Variants in AFF4 observed in about 807,000 individuals in gnomAD.
AFF4 encodes ALF transcription elongation factor 4, also known as AF4/FMR2 family member 4.
Under a neutral mutation model 124.8 loss-of-function variants are expected in AFF4, and 13 were observed. The ratio of observed to expected loss-of-function variants is 0.10; its 90% CI spans 0.07 to 0.17. The LOEUF is 0.17. Ranked by LOEUF, AFF4 falls within the 10% of genes least tolerant of loss-of-function variation. The pLI is 1.00. For missense variants in AFF4, 1,092 were observed against 1,403.8 expected, an observed-to-expected ratio of 0.78 and a Z score of 3.55; for synonymous variants, 477 against 496.1, an observed-to-expected ratio of 0.96 and a Z score of 0.51.
intron 4 of AFF4, 163 bp from the exon 5 acceptor site, chr5:132,927,370 T>C (rs1053144144): frequency 5.3e-6 from 3 of 568,688 alleles, no homozygotes; most frequent in Non-Finnish European, 6.1e-6. Flanking sequence ...CTAGGCACTA[T>C]GGTGTAGGTA....
intron 1 of AFF4, chr5:132,943,387 G>C (rs1055877254): frequency 5.2e-6 from 1 of 191,770 alleles, no homozygotes; most frequent in Non-Finnish European, 1.2e-5. Context: ...AACATGCCTT[G>C]GTTCAAGGGA....
intron 11 of AFF4, 52 bp from the exon 12 acceptor site, chr5:132,893,170 T>A (rs553473558): frequency 2.1e-6 from 3 of 1,452,124 alleles, no homozygotes; most frequent in Admixed American, 1.7e-5. Context: ...TAACTTCAGC[T>A]TCCAGCACTA....
Position 132,934,498 on chromosome 5 carries a change from T to C in AFF4, c.567A>G (p.Ser189=), listed in dbSNP as rs755232296. The C allele has an allele frequency of 2.1e-5, 34 of 1,614,170 alleles. No homozygotes were observed. In the East Asian group the frequency reaches 5.1e-4, roughly 24 times the overall value. ...GAGACCTGGAATGACTAGAGTTTAA[T>C]GAAGAAACAGCCTGGGGTTTTCCAG... The part of the protein sequence containing the change: ...SSPGKPQAVS[S]LNSSHSRSHG... Residue 189 remains serine, a synonymous_variant, in exon 3 of 21, where the codon TCA becomes TCG. Transcript: ENST00000265343.
At chr5:132,908,781 T>A (rs1030161792) in intron 5 of AFF4, among the ~76,000 whole-genome samples, 9 of 146,634 alleles carry the variant, frequency 6.1e-5, no homozygotes, top group African/African-American at 2.2e-4. Context: ...TATATATTTT[T>A]TTTTTTTGAG....
intron 1 of AFF4, among the ~76,000 whole-genome samples, chr5:132,949,754 C>G (rs769497702): frequency 7.4e-5 from 11 of 148,784 alleles, no homozygotes; most frequent in Non-Finnish European, 1.3e-4. Flanking sequence ...CCCGGCTACT[C>G]GGGAGGCTGA....
At chr5:132,900,145 G>A (rs573241464) in intron 7 of AFF4, among the ~76,000 whole-genome samples, 2 of 152,348 alleles carry the variant, frequency 1.3e-5, no homozygotes, top group East Asian at 1.9e-4. Flanking sequence ...GGTTTCCTAA[G>A]CCAAAGTTCT....
At position 132,913,144 on chromosome 5, in the gene AFF4, A is replaced by T. The variant is rs139114174; in HGVS notation, c.1051-8740T>A. On this transcript the variant is annotated intron_variant, in intron 5 of 20. Coordinates refer to ENST00000265343, the MANE Select transcript of AFF4 (RefSeq NM_014423.4). ...AAATAAAAGAAAGCTGGAGCTGATCATATTAATATAAAAGTAAATTTTACA... is the reference window on the plus strand; with the variant it reads ...AAATAAAAGAAAGCTGGAGCTGATCTTATTAATATAAAAGTAAATTTTACA... Among the ~76,000 whole-genome samples, 218 of 152,318 alleles carry T rather than the reference A, an allele frequency of 1.4e-3. 5 individuals carry two copies. In the East Asian group the frequency reaches 0.033, roughly 23 times the overall value.
chr5:132,928,963 A>AT (rs1376310055), intron 4 of AFF4, among the ~76,000 whole-genome samples: 1 of 152,200 alleles, frequency 6.6e-6, no homozygotes, highest in Non-Finnish European at 1.5e-5. Context: ...CAGCTCTAGA[A>AT]TATCAGCTCA....
At chr5:132,910,332 T>C (rs995896370) in intron 5 of AFF4, among the ~76,000 whole-genome samples, 1 of 152,210 alleles carries the variant, frequency 6.6e-6, no homozygotes, top group Non-Finnish European at 1.5e-5. Context: ...GCCTGTGAAC[T>C]GCTCTTTCAG....
intron 5 of AFF4, among the ~76,000 whole-genome samples, chr5:132,918,041 A>G (rs1387736587): frequency 6.6e-6 from 1 of 151,648 alleles, no homozygotes; most frequent in Non-Finnish European, 1.5e-5. Flanking sequence ...TCTATAAATT[A>G]GCAAGGAAAA....
chr5:132,956,835 C>T (rs1761970806), intron 1 of AFF4, among the ~76,000 whole-genome samples: 1 of 151,502 alleles, frequency 6.6e-6, no homozygotes, highest in Non-Finnish European at 1.5e-5. Flanking sequence ...GCCTGACCAA[C>T]ATGGTGAAAC....
chr5:132,953,810 G>C (rs754955204), intron 1 of AFF4, among the ~76,000 whole-genome samples: 1 of 151,874 alleles, frequency 6.6e-6, no homozygotes, highest in African/African-American at 2.4e-5. Flanking sequence ...TTTATCTTCC[G>C]CTTGAATAAA....
rs1324455595 is a variant in AFF4, at chr5:132,896,472, G to C, written c.2158C>G (p.Leu720Val). The C allele has an allele frequency of 6.2e-7, 1 of 1,614,158 alleles. No homozygotes were observed. Among genetic ancestry groups the C allele is most frequent in the South Asian group, 1.1e-5 (1 of 91,082 alleles). Residue 720 changes from leucine to valine, a missense_variant, in exon 11 of 21, where the codon CTG becomes GTG. Coordinates refer to ENST00000265343, the MANE Select transcript of AFF4 (RefSeq NM_014423.4). The stretch of plus-strand genomic sequence containing the variant: ...CCTGGTATTCTAGTCAAAAGATTCA[G>C]GTCAATCTTCACAATAAGTGGGTAC... ...DRYPLIVKIDLNLLTRIPGKP... is the reference protein window; with the variant it reads ...DRYPLIVKIDVNLLTRIPGKP...
chr5:132,917,721 T>C (rs1760946957), intron 5 of AFF4, among the ~76,000 whole-genome samples: 1 of 139,648 alleles, frequency 7.2e-6, no homozygotes, highest in Admixed American at 7.2e-5. Context: ...TTTTTTTTTT[T>C]TTTTTTTTTG....
Position 132,879,899 on chromosome 5 carries a change from G to A in AFF4, c.*1160C>T, listed in dbSNP as rs544673513. Reference sequence around the variant, plus strand: ...GAAGAGGGCCTTCATAATGCAAAAGGAGTAAACAGAAGATAGGTTTAAAAA... The same window carrying A: ...GAAGAGGGCCTTCATAATGCAAAAGAAGTAAACAGAAGATAGGTTTAAAAA... On this transcript the variant is annotated 3_prime_UTR_variant, in exon 21 of 21. Coordinates refer to ENST00000265343, the MANE Select transcript of AFF4 (RefSeq NM_014423.4). 11 of 270,126 alleles carry A rather than the reference G, an allele frequency of 4.1e-5. No individual in the cohort carries two copies. The highest frequency in any genetic ancestry group is 7.7e-5 in the Non-Finnish European group (11 of 143,790). The allele number at this position is 270,126 out of a possible 1,614,324, so 16.7% of individuals were successfully genotyped here. A position where few individuals can be genotyped will look rare whatever the true frequency, so the allele number is the denominator to read the frequency against.
intron 7 of AFF4, 109 bp from the exon 8 acceptor site, chr5:132,899,750 A>G (rs936806449): frequency 3.2e-6 from 3 of 924,688 alleles, no homozygotes; most frequent in African/African-American, 3.3e-5. Context: ...GTAGCCAAAA[A>G]TTTAACCAAA....
At position 132,905,319 on chromosome 5, in the gene AFF4, A is replaced by G. The variant is rs990485303; in HGVS notation, c.1051-915T>C. ...TTTTCATGACCAGAACAGCTGTTCCATATGTGCAAACTATGCATTTCTCAA... is the reference window on the plus strand; with the variant it reads ...TTTTCATGACCAGAACAGCTGTTCCGTATGTGCAAACTATGCATTTCTCAA... On this transcript the variant is annotated intron_variant, in intron 5 of 20. Coordinates refer to ENST00000265343, the MANE Select transcript of AFF4 (RefSeq NM_014423.4). 2.0e-5 allele frequency among the ~76,000 whole-genome samples: 3 copies of G among 152,230 alleles called. 1 individual carries two copies. Among genetic ancestry groups the G allele is most frequent in the African/African-American group, 7.2e-5 (3 of 41,458 alleles).
intron 19 of AFF4, among the ~76,000 whole-genome samples, chr5:132,884,001 TTC>T (rs1760052122): frequency 6.6e-6 from 1 of 152,206 alleles, no homozygotes; most frequent in Non-Finnish European, 1.5e-5. Context: ...ACTCCACAAT[TTC>T]TGACACTTTC....
intron 7 of AFF4, among the ~76,000 whole-genome samples, chr5:132,901,748 T>C (rs1159026195): frequency 6.6e-6 from 1 of 152,202 alleles, no homozygotes; most frequent in Non-Finnish European, 1.5e-5. Flanking sequence ...TTATGACTTA[T>C]TAAATATAAA....
Sources: gnomAD v4.1 joint callset for allele counts (sites outside exome capture counted in the v4.1 genomes callset) on GRCh38, gnomAD v4.1.1 for gene constraint, MANE v1.5 for transcripts, NCBI Gene and HGNC (gene_info 2026-07-23, HGNC 2026-07-21) for gene names.